PRR16: variants seen among roughly 807,000 people sequenced by gnomAD.
The protein encoded by PRR16 is protein Largen.
Under a neutral mutation model 18.2 loss-of-function variants are expected in PRR16, and 6 were observed. The observed-to-expected ratio is 0.33, with a 90% CI of 0.18 to 0.65. The LOEUF (loss-of-function observed/expected upper bound fraction) is 0.65. PRR16 is among the 30% of genes least tolerant of loss of function. The pLI, the probability that PRR16 is intolerant of heterozygous loss-of-function variation, is 0.74. For synonymous variants in PRR16, 151 were observed against 147.8 expected (o/e 1.02, Z -0.16); for missense variants, 412 against 376.6 (o/e 1.09, Z -0.78).
At chr5:120,593,521 G>GAA (rs35271361) in intron 1 of PRR16, among the ~76,000 whole-genome samples, 5 of 150,038 alleles carry the variant, frequency 3.3e-5, no homozygotes, top group East Asian at 2.0e-4. Context: ...ACCCTACCAA[G>GAA]AAAAAAAAAG....
chr5:120,623,304 T>G (rs1429036590), intron 1 of PRR16, among the ~76,000 whole-genome samples: 1 of 152,144 alleles, frequency 6.6e-6, no homozygotes, highest in Non-Finnish European at 1.5e-5. Context: ...TTCTTGGTAG[T>G]TTTATGTAAT....
intron 1 of PRR16, among the ~76,000 whole-genome samples, chr5:120,575,318 A>AACACACACACAC (rs3047956): frequency 0.063 from 8,662 of 138,088 alleles, 351 homozygotes; most frequent in Non-Finnish European, 0.076. Context: ...CAGACAAGGA[A>AACACACACACAC]ACACACACAC....
chr5:120,504,575 T>C (rs969744109), intron 1 of PRR16, among the ~76,000 whole-genome samples: 2 of 152,162 alleles, frequency 1.3e-5, no homozygotes, highest in African/African-American at 4.8e-5. Context: ...TGAGTCGCCC[T>C]TCACGGGGTT....
chr5:120,756,415 G>A, the PRR16 span, among the ~76,000 whole-genome samples: 1 of 152,098 alleles, frequency 6.6e-6, no homozygotes, highest in African/African-American at 2.4e-5. Context: ...ATTTCTACCA[G>A]AAGTATGTAA....
intron 1 of PRR16, among the ~76,000 whole-genome samples, chr5:120,528,473 C>G (rs1751443069): frequency 6.6e-6 from 1 of 152,060 alleles, no homozygotes. Flanking sequence ...AAGAACCTGA[C>G]ATAACAGGGA....
chr5:120,699,234 G>C, the PRR16 span, among the ~76,000 whole-genome samples: 1 of 152,056 alleles, frequency 6.6e-6, no homozygotes, highest in African/African-American at 2.4e-5. Context: ...AGATTTCCAC[G>C]ATGGAAAGGA....
At chr5:120,563,270 C>G (rs1005349882) in intron 1 of PRR16, among the ~76,000 whole-genome samples, 9 of 152,188 alleles carry the variant, frequency 5.9e-5, no homozygotes, top group Non-Finnish European at 1.0e-4. Flanking sequence ...ACTCAAGGCC[C>G]TAAGGATCTA....
At chr5:120,556,656 T>C (rs1752422489) in intron 1 of PRR16, among the ~76,000 whole-genome samples, 1 of 151,948 alleles carries the variant, frequency 6.6e-6, no homozygotes, top group South Asian at 2.1e-4. Flanking sequence ...ACAGCTTGTA[T>C]GTTTTTATTC....
the PRR16 span, among the ~76,000 whole-genome samples, chr5:120,723,403 A>T: frequency 2.0e-5 from 3 of 151,934 alleles, no homozygotes; most frequent in Non-Finnish European, 4.4e-5. Flanking sequence ...GAAAAAAGAA[A>T]ATTCTTATGC....
At chr5:120,754,369 TAA>T in the PRR16 span, among the ~76,000 whole-genome samples, 1 of 67,508 alleles carries the variant, frequency 1.5e-5, no homozygotes, top group Admixed American at 2.4e-4. Flanking sequence ...TATAAATATA[TAA>T]TATATAACAT....
At chr5:120,530,183 A>T (rs1348760530) in intron 1 of PRR16, among the ~76,000 whole-genome samples, 1 of 146,268 alleles carries the variant, frequency 6.8e-6, no homozygotes, top group Non-Finnish European at 1.5e-5. Flanking sequence ...TGCAGTGCTT[A>T]TATATATAGA....
At chr5:120,757,616 G>C in the PRR16 span, among the ~76,000 whole-genome samples, 308 of 151,996 alleles carry the variant, frequency 2.0e-3, 5 homozygotes, top group African/African-American at 7.2e-3. Context: ...GTTATTATAT[G>C]ATTATAAATA....
At chr5:120,559,287 G>C (rs1327502059) in intron 1 of PRR16, among the ~76,000 whole-genome samples, 4 of 151,882 alleles carry the variant, frequency 2.6e-5, no homozygotes, top group Admixed American at 2.6e-4. Flanking sequence ...TGAAGTCTTA[G>C]ATTTGTCTTT....
intron 1 of PRR16, among the ~76,000 whole-genome samples, chr5:120,577,588 C>G (rs538822745): frequency 6.6e-6 from 1 of 152,156 alleles, no homozygotes; most frequent in South Asian, 2.1e-4. Context: ...TCTTTTTGCA[C>G]AAGTCAATGC....
chr5:120,502,433 G>T (rs923372024), intron 1 of PRR16, among the ~76,000 whole-genome samples: 4 of 151,258 alleles, frequency 2.6e-5, no homozygotes, highest in African/African-American at 7.3e-5. Context: ...TCACTCAAGG[G>T]TTAAATTTTT....
At chr5:120,663,933 G>T (rs889932527) in intron 1 of PRR16, among the ~76,000 whole-genome samples, 15 of 151,620 alleles carry the variant, frequency 9.9e-5, no homozygotes, top group African/African-American at 3.1e-4. Flanking sequence ...TATTGAAGTT[G>T]TGGAATTAAT....
chr5:120,497,698 C>A (rs893205411), intron 1 of PRR16, among the ~76,000 whole-genome samples: 8 of 151,754 alleles, frequency 5.3e-5, no homozygotes, highest in Non-Finnish European at 1.0e-4. Context: ...TGAATTGATT[C>A]TTTTATTACA....
chr5:120,677,295 T>G (rs190399859), intron 1 of PRR16, among the ~76,000 whole-genome samples: 79 of 152,314 alleles, frequency 5.2e-4, no homozygotes, highest in Non-Finnish European at 9.6e-4. Context: ...CACTGTTGAC[T>G]TCACTACTTC....
intron 1 of PRR16, among the ~76,000 whole-genome samples, chr5:120,503,786 C>T (rs1366465082): frequency 6.7e-6 from 1 of 150,234 alleles, no homozygotes; most frequent in Non-Finnish European, 1.5e-5. Flanking sequence ...CTATCCCTCC[C>T]CGCTCCCCCC....
Sources: gnomAD v4.1 joint callset for allele counts (sites outside exome capture counted in the v4.1 genomes callset) on GRCh38, gnomAD v4.1.1 for gene constraint, MANE v1.5 for transcripts, NCBI Gene and HGNC (gene_info 2026-07-23, HGNC 2026-07-21) for gene names.